Variants in FAM53B observed in about 807,000 individuals in gnomAD.
FAM53B encodes family with sequence similarity 53 member B.
In FAM53B, 12 loss-of-function variants were observed where a neutral mutation model predicts 32.7. The ratio of observed to expected loss-of-function variants is 0.37; its 90% CI spans 0.24 to 0.59. FAM53B has a LOEUF of 0.59. Among genes scored for constraint, FAM53B ranks in the 20% least tolerant of loss-of-function variants. The pLI, the probability that FAM53B is intolerant of heterozygous loss-of-function variation, is 0.72. For missense variants in FAM53B, 477 were observed against 577.7 expected, an observed-to-expected ratio of 0.83 and a Z score of 1.79; for synonymous variants, 234 against 228.7, an observed-to-expected ratio of 1.02 and a Z score of -0.21.
In FAM53B at chr10:124,677,910, G is replaced by T. The variant is rs1030295658; in HGVS notation, c.906+3697C>A. 1.3e-5 allele frequency among the ~76,000 whole-genome samples: 2 copies of T among 152,210 alleles called. 1 individual carries two copies. The highest frequency in any genetic ancestry group is 2.9e-5 in the Non-Finnish European group (2 of 68,032). On this transcript the variant is annotated intron_variant, in intron 4 of 4. Transcript: ENST00000337318. ...ACACGGCGAACTCCCTCTGACAAGGGGGGGTGAATCCAATTGTCACCATTT... is the reference window on the plus strand; with the variant it reads ...ACACGGCGAACTCCCTCTGACAAGGTGGGGTGAATCCAATTGTCACCATTT...
intron 3 of FAM53B, among the ~76,000 whole-genome samples, chr10:124,687,923 C>T (rs990882916): frequency 2.6e-5 from 4 of 152,180 alleles, no homozygotes; most frequent in Admixed American, 6.5e-5. Flanking sequence ...GGAGGGTTGA[C>T]AATTCTGGTC....
chr10:124,634,256 G>T (rs1949411601), intron 4 of FAM53B, among the ~76,000 whole-genome samples: 1 of 152,244 alleles, frequency 6.6e-6, no homozygotes, highest in East Asian at 1.9e-4. Context: ...ATGCTACGGT[G>T]TGGATGACCC....
chr10:124,709,273 C>T lies in FAM53B; in HGVS notation c.-174-2386G>A, dbSNP rs1045491288. 2.6e-5 allele frequency among the ~76,000 whole-genome samples: 4 copies of T among 152,342 alleles called. No individual in the cohort carries two copies. In the East Asian group the frequency reaches 5.8e-4, roughly 22 times the overall value. Reference sequence around the variant, plus strand: ...GTAGAATGAAACTGTGGAAGTCTGTCGCCATGGGAACACATTAGCCCATCC... The same window carrying T: ...GTAGAATGAAACTGTGGAAGTCTGTTGCCATGGGAACACATTAGCCCATCC... On this transcript the variant is annotated intron_variant, in intron 1 of 4. Transcript: ENST00000337318.
intron 1 of FAM53B, among the ~76,000 whole-genome samples, chr10:124,738,173 T>C (rs1426626600): frequency 6.6e-6 from 1 of 151,998 alleles, no homozygotes; most frequent in Admixed American, 6.6e-5. Flanking sequence ...CCCAATCTCC[T>C]GCTAAGGAAT....
intron 4 of FAM53B, among the ~76,000 whole-genome samples, chr10:124,652,678 A>G (rs1949564163): frequency 6.6e-6 from 1 of 152,194 alleles, no homozygotes; most frequent in South Asian, 2.1e-4. Flanking sequence ...TATGTATTTT[A>G]ATGACACAAG....
chr10:124,704,588 C>G (rs1468229713), intron 2 of FAM53B, among the ~76,000 whole-genome samples: 3 of 152,164 alleles, frequency 2.0e-5, no homozygotes, highest in Non-Finnish European at 4.4e-5. Context: ...GTGCAAAGGC[C>G]TGAGGCAGGC....
intron 1 of FAM53B, among the ~76,000 whole-genome samples, chr10:124,739,219 A>G (rs1375581962): frequency 1.3e-5 from 2 of 152,252 alleles, no homozygotes; most frequent in African/African-American, 4.8e-5. Flanking sequence ...AGCAGGGCAT[A>G]TGGAAAGCAA....
rs1949868954 is a variant in FAM53B at position 124,696,187 on chromosome 10, C to T, written c.104G>A (p.Gly35Glu). The T allele has an allele frequency of 6.2e-7, 1 of 1,614,112 alleles. No homozygotes were observed. Among genetic ancestry groups the T allele is most frequent in the Non-Finnish European group, 8.5e-7 (1 of 1,179,966 alleles). ...ELHTPKKMSQ[G>E]PTLFSCGIME... ...AATTCCACAAGAGAAAAGTGTAGGT[C>T]CTTGACTCATCTTCTTTGGCGTGTG... is the stretch of plus-strand genomic sequence containing the variant. Residue 35 changes from glycine (G) to glutamate (E), a missense_variant, in exon 3 of 5, where the codon GGA becomes GAA. Gly to Glu is a moderately conservative substitution (Grantham distance 98, BLOSUM62 -2). Around this residue, in one of 2 missense-constraint regions of FAM53B, gnomAD observed 312 missense variants for 420.2 expected, o/e 0.74. Transcript: ENST00000337318.
intron 4 of FAM53B, among the ~76,000 whole-genome samples, chr10:124,678,877 C>T (rs548676187): frequency 2.0e-5 from 3 of 152,264 alleles, no homozygotes; most frequent in African/African-American, 4.8e-5. Context: ...GGGAAGCCCC[C>T]GTGTGCTCAC....
rs911386188 is a variant in FAM53B, at chr10:124,744,000, C to CCGGGTCGCTTACTGTGCGCGG, written c.-183_-175+12dup. The CCGGGTCGCTTACTGTGCGCGG allele has an allele frequency of 6.7e-6, 1 of 148,524 alleles. No individual in the cohort carries two copies. Among genetic ancestry groups the CCGGGTCGCTTACTGTGCGCGG allele is most frequent in the Non-Finnish European group, 1.5e-5 (1 of 66,656 alleles). 9.2% of individuals were successfully genotyped at this position (148,524 alleles called of 1,614,324 possible). A position where few individuals can be genotyped will look rare whatever the true frequency, so the allele number is the denominator to read the frequency against. On this transcript the variant is annotated intron_variant, in intron 1 of 4. Coordinates refer to ENST00000337318, the MANE Select transcript of FAM53B (RefSeq NM_014661.4). Reference sequence around the variant, plus strand: ...CGGCCACCGCCGCCGCCGCCCGGCCCCGGGTCGCTTACTGTGCGCGGCGGG... The same window carrying CCGGGTCGCTTACTGTGCGCGG: ...CGGCCACCGCCGCCGCCGCCCGGCCCCGGGTCGCTTACTGTGCGCGGCGGGTCGCTTACTGTGCGCGGCGGG...
chr10:124,634,698 G>A (rs1949415850), intron 4 of FAM53B, among the ~76,000 whole-genome samples: 1 of 152,172 alleles, frequency 6.6e-6, no homozygotes, highest in Non-Finnish European at 1.5e-5. Flanking sequence ...TTTCCTTATG[G>A]CAACGTGAGG....
At chr10:124,677,909 G>C (rs957457236) in intron 4 of FAM53B, among the ~76,000 whole-genome samples, 5 of 152,190 alleles carry the variant, frequency 3.3e-5, no homozygotes, top group African/African-American at 4.8e-5. Context: ...CTCTGACAAG[G>C]GGGGGTGAAT....
Position 124,682,125 on chromosome 10 carries a change from A to G in FAM53B, c.388T>C (p.Trp130Arg), listed in dbSNP as rs779127622. The stretch of plus-strand genomic sequence containing the variant: ...CAGACTTTGGAGCCCAAGGGCCTCC[A>G]TGATGTCCGGCAACTGGACATCTCA... ...SDEMSSCRTSWRPLGSKVWTP... is the reference protein window; with the variant it reads ...SDEMSSCRTSRRPLGSKVWTP... The change falls in exon 4 of 5, where the codon TGG becomes CGG. Residue 130 changes from tryptophan to arginine, a missense_variant. Transcript: ENST00000337318. The surrounding 1 kb of genome is among the most constrained non-coding windows in gnomAD (Gnocchi z 5.2). 1 of 1,613,742 alleles carries G rather than the reference A, an allele frequency of 6.2e-7. No homozygotes were observed. The highest frequency in any genetic ancestry group is 1.1e-5 in the South Asian group (1 of 91,048).
At chr10:124,677,567 T>A (rs977939929) in intron 4 of FAM53B, among the ~76,000 whole-genome samples, 1 of 152,264 alleles carries the variant, frequency 6.6e-6, no homozygotes, top group Non-Finnish European at 1.5e-5. Context: ...CCTTGCGTCA[T>A]TTCCCCCATT....
intron 4 of FAM53B, among the ~76,000 whole-genome samples, chr10:124,653,243 G>A (rs1157218752): frequency 4.6e-5 from 7 of 152,340 alleles, no homozygotes; most frequent in South Asian, 2.1e-4. Context: ...ATGTTTCTCA[G>A]ATGCAGCCCC....
chr10:124,706,976 A>C, intron 1 of FAM53B, 89 bp from the exon 2 acceptor site: 1 of 1,224,274 alleles, frequency 8.2e-7, no homozygotes, highest in Non-Finnish European at 1.1e-6. Flanking sequence ...TGGAAATCCC[A>C]GGGGACTGGA....
intron 4 of FAM53B, among the ~76,000 whole-genome samples, chr10:124,679,415 C>A (rs537908567): frequency 6.6e-6 from 1 of 152,214 alleles, no homozygotes; most frequent in Non-Finnish European, 1.5e-5. Flanking sequence ...CTCGCCAGGG[C>A]TCTTGATAAA....
At chr10:124,698,374 G>A (rs1385292179) in intron 2 of FAM53B, among the ~76,000 whole-genome samples, 1 of 152,136 alleles carries the variant, frequency 6.6e-6, no homozygotes, top group Non-Finnish European at 1.5e-5. Context: ...GCCACGTAGT[G>A]AGCCGCCCCT....
chr10:124,713,325 G>A (rs1950017658), intron 1 of FAM53B: 1 of 152,182 alleles, frequency 6.6e-6, no homozygotes, highest in Admixed American at 6.5e-5. Context: ...TCAAACCCAG[G>A]CCTTCCTCCC....
Sources: allele counts gnomAD v4.1 joint callset (sites outside exome capture counted in the v4.1 genomes callset), GRCh38; gene constraint gnomAD v4.1.1; regional missense constraint gnomAD v4.1.1; non-coding constraint Gnocchi (gnomAD v3.1); transcripts MANE v1.5; gene names NCBI Gene and HGNC (gene_info 2026-07-23, HGNC 2026-07-21).